OTUD7A: variants seen among roughly 807,000 people sequenced by gnomAD.
OTUD7A encodes OTU deubiquitinase 7A, also known as OTU domain-containing protein 7A.
A neutral mutation model predicts 65.7 loss-of-function variants in OTUD7A; 12 were observed. The ratio of observed to expected loss-of-function variants is 0.18; its 90% CI spans 0.12 to 0.30. OTUD7A has a LOEUF of 0.30. Among genes scored for constraint, OTUD7A ranks in the 10% least tolerant of loss-of-function variants. The pLI is 1.00. For synonymous variants in OTUD7A, 641 were observed against 586.3 expected (o/e 1.09, Z -1.35); for missense variants, 1,148 against 1,304.8 (o/e 0.88, Z 1.85).
In OTUD7A at chr15:31,484,723, G is replaced by A; in HGVS notation, c.1373C>T (p.Ala458Val). 1 of 1,589,912 alleles carries A rather than the reference G, an allele frequency of 6.3e-7. No individual in the cohort carries two copies. Among genetic ancestry groups the A allele is most frequent in the Non-Finnish European group, 8.5e-7 (1 of 1,174,424 alleles). The change falls in exon 13 of 13, where the codon GCG becomes GTG. Residue 458 changes from alanine to valine, a missense_variant and splice_region_variant. Physicochemically the swap from Ala to Val is moderately conservative, Grantham distance 64. Transcript: ENST00000307050. The surrounding 1 kb of genome is among the most constrained non-coding windows in gnomAD (Gnocchi z 4.5). ...TWIRIPSETRAPLAQPESPTA... is the reference protein window; with the variant it reads ...TWIRIPSETRVPLAQPESPTA... The stretch of plus-strand genomic sequence containing the variant: ...GGGAGACTCCGGCTGTGCCAGGGGC[G>A]CCTGTGTGGAGAGGGAGGGCCGGAT...
At chr15:31,863,891 T>C (rs889657060) in intron 1 of OTUD7A, among the ~76,000 whole-genome samples, 3 of 152,344 alleles carry the variant, frequency 2.0e-5, no homozygotes, top group South Asian at 2.1e-4. Flanking sequence ...TATGCTCTCT[T>C]TCCCTTTTAA....
At chr15:31,520,782 C>T (rs2041926549) in intron 8 of OTUD7A, among the ~76,000 whole-genome samples, 1 of 152,176 alleles carries the variant, frequency 6.6e-6, no homozygotes, top group African/African-American at 2.4e-5. Context: ...AATCCCACTA[C>T]TAGGTATATA....
chr15:31,824,688 C>A (rs941257772), intron 1 of OTUD7A, among the ~76,000 whole-genome samples: 1 of 152,216 alleles, frequency 6.6e-6, no homozygotes, highest in South Asian at 2.1e-4. Context: ...GCCAAAGACT[C>A]TCCTAAGTTA....
chr15:31,550,545 A>C (rs747868321), intron 5 of OTUD7A, among the ~76,000 whole-genome samples: 5 of 152,100 alleles, frequency 3.3e-5, no homozygotes, highest in Non-Finnish European at 5.9e-5. Context: ...CAAGGAACTA[A>C]ATTCTGCCAA....
Position 31,487,649 on chromosome 15 carries a change from TGGGTGACA to T in OTUD7A, c.1172-91_1172-84del. On this transcript the variant is annotated intron_variant, in intron 10 of 12. Transcript: ENST00000307050. The surrounding 1 kb of genome is among the most constrained non-coding windows in gnomAD (Gnocchi z 6.0). The stretch of plus-strand genomic sequence containing the variant: ...CAAGGAAATTCCCAAGCCAGGTATC[TGGGTGACA>T]AATGCACCGAGTGGACATCTACACA... 3 of 1,131,180 alleles carry T rather than the reference TGGGTGACA, an allele frequency of 2.7e-6. No homozygotes were observed. Among genetic ancestry groups the T allele is most frequent in the East Asian group, 2.6e-5 (1 of 38,978 alleles). The allele number at this position is 1,131,180 out of a possible 1,614,324, so 70.1% of individuals were successfully genotyped here. A position where few individuals can be genotyped will look rare whatever the true frequency, so the allele number is the denominator to read the frequency against.
At chr15:31,595,013 C>T (rs191487703) in intron 3 of OTUD7A, among the ~76,000 whole-genome samples, 1 of 152,342 alleles carries the variant, frequency 6.6e-6, no homozygotes, top group East Asian at 1.9e-4. Flanking sequence ...TGTTTTAATA[C>T]TCAGGCACCA....
At position 31,530,843 on chromosome 15, in the gene OTUD7A, G is replaced by A. The variant is rs1357927284; in HGVS notation, c.551-35C>T. On this transcript the variant is annotated intron_variant, in intron 5 of 12. Coordinates refer to ENST00000307050, the MANE Select transcript of OTUD7A (RefSeq NM_001382637.1). ...AAGCTCACTTTAGAACAGGATCCCA[G>A]AAAAGGAAGGGGCCACTGGGGGTGT... 5.1e-6 allele frequency: 8 copies of A among 1,582,778 alleles called. 1 individual carries two copies. Among genetic ancestry groups the A allele is most frequent in the Non-Finnish European group, 2.6e-6 (3 of 1,156,072 alleles).
At chr15:31,632,714 C>T (rs1386254945) in intron 3 of OTUD7A, among the ~76,000 whole-genome samples, 1 of 151,848 alleles carries the variant, frequency 6.6e-6, no homozygotes, top group Admixed American at 6.6e-5. Flanking sequence ...TGTGCCCTGC[C>T]CCCAGAGGTG....
chr15:31,616,675 C>G (rs1393896521), intron 3 of OTUD7A, among the ~76,000 whole-genome samples: 4 of 152,114 alleles, frequency 2.6e-5, no homozygotes. Flanking sequence ...CTCCCGAGTA[C>G]TGGGATTACA....
intron 1 of OTUD7A, among the ~76,000 whole-genome samples, chr15:31,687,107 G>GAAA (rs11302415): frequency 1.0e-4 from 15 of 146,468 alleles, no homozygotes; most frequent in Non-Finnish European, 1.6e-4. Context: ...GATTTAAATA[G>GAAA]AAAAAAAAAA....
intron 1 of OTUD7A, among the ~76,000 whole-genome samples, chr15:31,776,473 GC>G (rs1895383466): frequency 6.6e-6 from 1 of 152,132 alleles, no homozygotes; most frequent in Non-Finnish European, 1.5e-5. Context: ...ACAGCACATG[GC>G]CCCTCCCGAC....
intron 8 of OTUD7A, among the ~76,000 whole-genome samples, chr15:31,505,551 C>T (rs1566888048): frequency 1.3e-5 from 2 of 151,892 alleles, no homozygotes; most frequent in African/African-American, 4.8e-5. Context: ...ACAATTCTCC[C>T]TCTTATAATT....
intron 3 of OTUD7A, among the ~76,000 whole-genome samples, chr15:31,632,829 G>GC (rs1324728300): frequency 5.3e-5 from 8 of 152,164 alleles, no homozygotes; most frequent in Non-Finnish European, 1.2e-4. Context: ...AATGGCAGGC[G>GC]CCCCTCCCCC....
Position 31,483,784 on chromosome 15 carries a change from G to C in OTUD7A, c.2312C>G (p.Pro771Arg), listed in dbSNP as rs1290739551. Residue 771 changes from proline (P) to arginine (R), a missense_variant, in exon 13 of 13, where the codon CCG (proline) becomes CGG (arginine). Pro to Arg is a moderately radical substitution (Grantham distance 103, BLOSUM62 -2). Transcript: ENST00000307050. ...ASGPVPGRSP[P>R]APARQSVIHV... Reference sequence around the variant, plus strand: ...GATGACGCTCTGGCGCGCTGGCGCCGGGGGGCTGCGGCCAGGCACTGGTCC... The same window carrying C: ...GATGACGCTCTGGCGCGCTGGCGCCCGGGGGCTGCGGCCAGGCACTGGTCC... 1.9e-6 allele frequency: 2 copies of C among 1,045,040 alleles called. No homozygotes were observed. The highest frequency in any genetic ancestry group is 2.3e-6 in the Non-Finnish European group (2 of 870,722). The allele number at this position is 1,045,040 out of a possible 1,614,324, so 64.7% of individuals were successfully genotyped here.
At chr15:31,861,037 AAG>A (rs1240107930) in intron 1 of OTUD7A, among the ~76,000 whole-genome samples, 4 of 151,962 alleles carry the variant, frequency 2.6e-5, no homozygotes, top group Non-Finnish European at 4.4e-5. Flanking sequence ...ATATTTTTAA[AAG>A]ACACCTAATT....
chr15:31,766,301 C>T, intron 1 of OTUD7A: 1 of 1,605,658 alleles, frequency 6.2e-7, no homozygotes. Context: ...CATTTTGACT[C>T]ATTCGGGAAA....
chr15:31,694,938 T>C lies in OTUD7A; in HGVS notation c.-99-37861A>G, dbSNP rs192169246. ...TCGGCTCACTGCAAGCTCCGCCTGC[T>C]GGGTTCACGTCATTCTCCTGCCTCA... On this transcript the variant is annotated intron_variant, in intron 1 of 12. Coordinates refer to ENST00000307050, the MANE Select transcript of OTUD7A (RefSeq NM_001382637.1). Among the ~76,000 whole-genome samples the C allele has an allele frequency of 3.4e-4, 52 of 152,064 alleles. 1 individual carries two copies. In the South Asian group the frequency reaches 7.3e-3, roughly 21 times the overall value.
chr15:31,583,553 G>T (rs1889437216), intron 3 of OTUD7A, among the ~76,000 whole-genome samples: 1 of 151,980 alleles, frequency 6.6e-6, no homozygotes, highest in African/African-American at 2.4e-5. Context: ...TCTCATGGTA[G>T]TGAATAAGTC....
intron 1 of OTUD7A, among the ~76,000 whole-genome samples, chr15:31,782,047 C>T (rs1406062892): frequency 6.6e-6 from 1 of 152,196 alleles, no homozygotes; most frequent in Non-Finnish European, 1.5e-5. Context: ...ACTTCAGTCA[C>T]GTAAGGGAAT....
Sources: allele counts gnomAD v4.1 joint callset (sites outside exome capture counted in the v4.1 genomes callset), GRCh38; gene constraint gnomAD v4.1.1; non-coding constraint Gnocchi (gnomAD v3.1); transcripts MANE v1.5; gene names NCBI Gene and HGNC (gene_info 2026-07-23, HGNC 2026-07-21).